Variants in SCN1A observed in about 807,000 individuals in gnomAD.
SCN1A encodes the protein sodium channel protein type 1 subunit alpha.
In SCN1A, 13 loss-of-function variants were observed where a neutral mutation model predicts 193.7. The observed-to-expected ratio is 0.07, with a 90% confidence interval of 0.04 to 0.11. The LOEUF (loss-of-function observed/expected upper bound fraction) is 0.11. Among genes scored for constraint, SCN1A ranks in the 10% least tolerant of loss-of-function variants. SCN1A has a pLI of 1.00. For missense variants in SCN1A, 1,432 were observed against 2,451.1 expected, an observed-to-expected ratio of 0.58 and a Z score of 8.78; for synonymous variants, 781 against 843.6, an observed-to-expected ratio of 0.93 and a Z score of 1.29.
At chr2:166,090,544 G>A (rs993419951) in intron 2 of SCN1A, among the ~76,000 whole-genome samples, 1 of 152,116 alleles carries the variant, frequency 6.6e-6, no homozygotes, top group Non-Finnish European at 1.5e-5. Context: ...GCAACATTGA[G>A]CTCTCTTTAA....
At chr2:166,084,130 G>A (rs954872280) in intron 2 of SCN1A, among the ~76,000 whole-genome samples, 4 of 151,944 alleles carry the variant, frequency 2.6e-5, no homozygotes, top group East Asian at 1.9e-4. Flanking sequence ...TGGATTACTC[G>A]AAGAGAAAGC....
intron 1 of SCN1A, among the ~76,000 whole-genome samples, chr2:166,144,052 A>G (rs1692204868): frequency 6.6e-6 from 1 of 152,248 alleles, no homozygotes; most frequent in Non-Finnish European, 1.5e-5. Flanking sequence ...AGAAAGTAGC[A>G]TTAGCAGTTC....
rs1697116289 is a variant in SCN1A at position 166,041,174 on chromosome 2, C to T, written c.2415+57G>A. On this transcript the variant is annotated intron_variant, in intron 16 of 28. Transcript: ENST00000674923. ...ACTGCTATACACAATTAAATGTAAA[C>T]AGTTTTTCAAGCAGAAAATTTGAAG... 8 of 1,250,092 alleles carry T rather than the reference C, an allele frequency of 6.4e-6. No individual in the cohort carries two copies. In the Admixed American group the frequency reaches 1.2e-4, roughly 18 times the overall value. The allele number at this position is 1,250,092 out of a possible 1,614,324, so 77.4% of individuals were successfully genotyped here.
chr2:166,025,897 A>T (rs1361486231), intron 19 of SCN1A, among the ~76,000 whole-genome samples: 1 of 152,132 alleles, frequency 6.6e-6, no homozygotes, highest in Non-Finnish European at 1.5e-5. Flanking sequence ...TTGACATAAA[A>T]TGCTTTTATT....
exon 1 of SCN1A, chr2:166,149,099 A>C (rs757291646): frequency 1.2e-4 from 19 of 152,256 alleles, no homozygotes; most frequent in African/African-American, 4.3e-4. Context: ...TAACCCCTGA[A>C]GTGTTAATCT....
chr2:166,144,778 AT>A (rs1380491720), intron 1 of SCN1A, among the ~76,000 whole-genome samples: 1 of 151,584 alleles, frequency 6.6e-6, no homozygotes, highest in African/African-American at 2.4e-5. Context: ...TTGAGCCTTT[AT>A]TTTCTCACTG....
chr2:166,008,317 G>T (rs953418754), intron 23 of SCN1A, among the ~76,000 whole-genome samples: 6 of 151,034 alleles, frequency 4.0e-5, no homozygotes, highest in African/African-American at 1.5e-4. Flanking sequence ...AATGTAAAAG[G>T]TTTATAATAT....
rs201196095 is a variant in SCN1A at position 166,019,908 on chromosome 2, ACTT to A, written c.3430-4184_3430-4182del. ...AGAAGCTGTATGTTAATCAAGGTGAACTTCTTTTTTTTTTTTTTTTGAGACAGA... is the reference window on the plus strand; with the variant it reads ...AGAAGCTGTATGTTAATCAAGGTGAACTTTTTTTTTTTTTTTTGAGACAGA... On this transcript the variant is annotated intron_variant, in intron 19 of 28. Transcript: ENST00000674923. Among the ~76,000 whole-genome samples the A allele has an allele frequency of 3.4e-3, 451 of 132,698 alleles. 2 individuals carry two copies. The highest frequency in any genetic ancestry group is 0.023 in the Middle Eastern group (6 of 260). 87.1% of individuals were successfully genotyped at this position (132,698 alleles called of 152,430 possible).
intron 19 of SCN1A, chr2:166,026,977 A>G (rs1440862962): frequency 6.6e-6 from 1 of 152,202 alleles, no homozygotes; most frequent in Non-Finnish European, 1.5e-5. Flanking sequence ...AATGTTTATT[A>G]AACCATGAAT....
chr2:166,002,254 G>A (rs1211631318), intron 24 of SCN1A, among the ~76,000 whole-genome samples: 1 of 151,534 alleles, frequency 6.6e-6, no homozygotes, highest in African/African-American at 2.4e-5. Flanking sequence ...AGACAAAGAG[G>A]TCTTTGTTTG....
At chr2:166,056,547 G>T in intron 5 of SCN1A, 47 bp from the exon 6 acceptor site, 2 of 1,353,690 alleles carry the variant, frequency 1.5e-6, no homozygotes, top group Non-Finnish European at 2.1e-6. Flanking sequence ...AAATCCAAGT[G>T]TTATATTACA....
intron 23 of SCN1A, among the ~76,000 whole-genome samples, chr2:166,008,747 A>G (rs1691996646): frequency 6.6e-6 from 1 of 151,090 alleles, no homozygotes; most frequent in South Asian, 2.1e-4. Context: ...AGTCTACAAT[A>G]CAGCTTAGTT....
intron 1 of SCN1A, among the ~76,000 whole-genome samples, chr2:166,142,831 G>A (rs961274663): frequency 5.9e-5 from 9 of 152,190 alleles, no homozygotes; most frequent in African/African-American, 2.2e-4. Context: ...CCCCCATACT[G>A]TTCTAGTAAG....
chr2:166,025,540 T>C (rs1187450381), intron 19 of SCN1A, among the ~76,000 whole-genome samples: 1 of 152,140 alleles, frequency 6.6e-6, no homozygotes, highest in Non-Finnish European at 1.5e-5. Flanking sequence ...CTTTTTGTCA[T>C]AAATGTAATG....
At chr2:166,001,690 C>G (rs905675003) in intron 24 of SCN1A, among the ~76,000 whole-genome samples, 68 of 151,540 alleles carry the variant, frequency 4.5e-4, no homozygotes, top group African/African-American at 1.6e-3. Context: ...GTTTAAAGGG[C>G]TACCTTTTTT....
At chr2:166,047,391 A>G (rs1335177659) in intron 11 of SCN1A, among the ~76,000 whole-genome samples, 1 of 152,046 alleles carries the variant, frequency 6.6e-6, no homozygotes, top group African/African-American at 2.4e-5. Context: ...GTTTAGGACA[A>G]TCTGTGTCTG....
intron 4 of SCN1A, among the ~76,000 whole-genome samples, chr2:166,061,649 T>A (rs1188521662): frequency 1.3e-5 from 2 of 152,218 alleles, no homozygotes; most frequent in Non-Finnish European, 2.9e-5. Context: ...ATACATCATA[T>A]GTATTAAAAC....
chr2:166,029,301 G>A (rs183148959), intron 19 of SCN1A, among the ~76,000 whole-genome samples: 5 of 152,182 alleles, frequency 3.3e-5, no homozygotes, highest in Admixed American at 6.5e-5. Context: ...CTACACTAGC[G>A]AGAGGAGACC....
Position 165,991,312 on chromosome 2 carries a change from C to T in SCN1A, c.5963G>A (p.Arg1988Gln), listed in dbSNP as rs769477807. 28 of 1,613,284 alleles carry T rather than the reference C, an allele frequency of 1.7e-5. No homozygotes were observed. The highest frequency in any genetic ancestry group is 2.2e-5 in the East Asian group (1 of 44,854). Residue 1988 changes from arginine (R) to glutamine (Q), a missense_variant, in exon 29 of 29, where the codon CGG becomes CAG. Physicochemically the swap from Arg to Gln is conservative, Grantham distance 43 (BLOSUM62 1). This residue lies in a region of SCN1A where 148 missense variants were observed against 160.3 expected (regional missense o/e 0.92). Transcript: ENST00000674923. ...TTTTTCCACAATTGGCTTTGTCACC[C>T]GGTCATAGGAAGGTGGACAAGCTGC... ...STAACPPSYD[R>Q]VTKPIVEKHE...
Sources: gnomAD v4.1 joint callset for allele counts (sites outside exome capture counted in the v4.1 genomes callset) on GRCh38, gnomAD v4.1.1 for gene constraint, gnomAD v4.1.1 regional missense constraint, MANE v1.5 for transcripts, NCBI Gene and HGNC (gene_info 2026-07-23, HGNC 2026-07-21) for gene names.